The following GRID1 variants were observed in gnomAD, a reference collection of about 807,000 sequenced individuals.
GRID1 encodes the protein glutamate receptor ionotropic, delta-1.
GRID1 carries 28 observed loss-of-function variants against 98.0 expected under a neutral mutation model. The ratio of observed to expected loss-of-function variants is 0.29; its 90% CI spans 0.21 to 0.39. GRID1 has a LOEUF of 0.39. GRID1 is among the 10% of genes least tolerant of loss of function. The probability of loss-of-function intolerance (pLI) is 1.00; values close to 1 mark genes in which losing one functional copy is unlikely to be tolerated. For missense variants in GRID1, 1,111 were observed against 1,340.5 expected (o/e 0.83, Z 2.67); for synonymous variants, 553 against 538.5 (o/e 1.03, Z -0.37).
At chr10:85,626,101 T>C (rs1842909645) in intron 13 of GRID1, among the ~76,000 whole-genome samples, 1 of 152,242 alleles carries the variant, frequency 6.6e-6, no homozygotes, top group South Asian at 2.1e-4. Flanking sequence ...CAGGTGCCTG[T>C]AGTGCCAGGT....
chr10:85,857,880 T>C (rs1333686244), intron 6 of GRID1, among the ~76,000 whole-genome samples: 2 of 152,190 alleles, frequency 1.3e-5, no homozygotes, highest in Admixed American at 1.3e-4. Flanking sequence ...GTTCTCTGCC[T>C]GCAATTTACT....
intron 4 of GRID1, among the ~76,000 whole-genome samples, chr10:86,053,829 T>C (rs1843536955): frequency 6.6e-6 from 1 of 152,212 alleles, no homozygotes; most frequent in Admixed American, 6.5e-5. Flanking sequence ...CACTTACACA[T>C]GCATGGGCAC....
intron 4 of GRID1, among the ~76,000 whole-genome samples, chr10:86,063,674 T>C (rs1388253075): frequency 6.6e-6 from 1 of 152,228 alleles, no homozygotes; most frequent in East Asian, 1.9e-4. Context: ...TATATTGATA[T>C]GGAAGACTTC....
At chr10:85,905,660 T>A (rs1421197098) in intron 5 of GRID1, among the ~76,000 whole-genome samples, 1 of 152,108 alleles carries the variant, frequency 6.6e-6, no homozygotes, top group African/African-American at 2.4e-5. Flanking sequence ...TATACTGAAA[T>A]ATATGTGGTG....
intron 4 of GRID1, among the ~76,000 whole-genome samples, chr10:86,061,384 G>T (rs1359358453): frequency 6.6e-6 from 1 of 152,082 alleles, no homozygotes; most frequent in East Asian, 1.9e-4. Flanking sequence ...ATCCAGAGAG[G>T]ATCCTGTCTG....
intron 5 of GRID1, among the ~76,000 whole-genome samples, chr10:85,882,328 G>T (rs1841043590): frequency 6.6e-6 from 1 of 152,146 alleles, no homozygotes; most frequent in Non-Finnish European, 1.5e-5. Flanking sequence ...GCACACGTAT[G>T]TTTATTTTGG....
intron 4 of GRID1, among the ~76,000 whole-genome samples, chr10:86,003,679 T>A (rs1842826801): frequency 6.6e-6 from 1 of 152,176 alleles, no homozygotes; most frequent in Non-Finnish European, 1.5e-5. Context: ...TCCATAAGGG[T>A]TTAGAAGCCA....
chr10:85,976,475 C>T (rs1193515124), intron 4 of GRID1, among the ~76,000 whole-genome samples: 2 of 152,240 alleles, frequency 1.3e-5, no homozygotes, highest in African/African-American at 4.8e-5. Flanking sequence ...GATGGCACCT[C>T]CTTCAGGTGA....
intron 3 of GRID1, among the ~76,000 whole-genome samples, chr10:86,203,298 G>A (rs1845979021): frequency 6.6e-6 from 1 of 152,094 alleles, no homozygotes; most frequent in African/African-American, 2.4e-5. Flanking sequence ...TGTTCCAGAG[G>A]CACCGTTTGT....
chr10:86,061,644 C>T (rs1843650793), intron 4 of GRID1, among the ~76,000 whole-genome samples: 1 of 152,146 alleles, frequency 6.6e-6, no homozygotes, highest in Admixed American at 6.5e-5. Context: ...CCCCATCATG[C>T]AGGACTCACC....
intron 4 of GRID1, among the ~76,000 whole-genome samples, chr10:85,988,957 G>C (rs1431590507): frequency 6.6e-6 from 1 of 152,220 alleles, no homozygotes; most frequent in Admixed American, 6.5e-5. Flanking sequence ...GAAGCCCCAG[G>C]GTGAGTCAGG....
intron 4 of GRID1, among the ~76,000 whole-genome samples, chr10:86,102,629 G>A (rs1270999846): frequency 2.0e-5 from 3 of 152,250 alleles, no homozygotes; most frequent in Non-Finnish European, 4.4e-5. Context: ...CAACATAAAT[G>A]TGCCCAGTCC....
At chr10:85,706,250 C>T (rs958371461) in intron 12 of GRID1, among the ~76,000 whole-genome samples, 2 of 152,292 alleles carry the variant, frequency 1.3e-5, no homozygotes, top group Admixed American at 1.3e-4. Context: ...AGCTGATAAG[C>T]AACTTCAGCA....
chr10:86,201,509 C>T (rs1460010664), intron 3 of GRID1, among the ~76,000 whole-genome samples: 1 of 152,060 alleles, frequency 6.6e-6, no homozygotes, highest in Non-Finnish European at 1.5e-5. Flanking sequence ...AGGGCAACAA[C>T]ACACACTGGG....
At chr10:85,663,678 G>A (rs1840990339) in intron 12 of GRID1, among the ~76,000 whole-genome samples, 1 of 152,184 alleles carries the variant, frequency 6.6e-6, no homozygotes, top group African/African-American at 2.4e-5. Flanking sequence ...CATGAAGGTG[G>A]AGACCATGCT....
In GRID1 at chr10:85,602,286, C is replaced by T. The variant is rs1842589777; in HGVS notation, c.3017G>A (p.Gly1006Glu). 6.6e-7 allele frequency: 1 copy of T among 1,515,614 alleles called. No homozygotes were observed. The highest frequency in any genetic ancestry group is 8.8e-7 in the Non-Finnish European group (1 of 1,132,484). 93.9% of individuals were successfully genotyped at this position (1,515,614 alleles called of 1,614,324 possible). Residue 1006 changes from glycine to glutamate, a missense_variant, in exon 16 of 16, where the codon GGG becomes GAG. This residue lies in a region of GRID1 where 762 missense variants were observed against 869.1 expected (regional missense o/e 0.88). Coordinates refer to ENST00000327946, the MANE Select transcript of GRID1 (RefSeq NM_017551.3). ...CAGGCGGCGCAGTCAGATGGAGGTC[C>T]CGTGGGAGGTGTCCAGAGCCTCTGG... ...VLPEALDTSHGTSI is the reference protein window; with the variant it reads ...VLPEALDTSHETSI
intron 4 of GRID1, among the ~76,000 whole-genome samples, chr10:85,984,206 T>A (rs1016438986): frequency 2.0e-5 from 3 of 152,102 alleles, no homozygotes; most frequent in African/African-American, 7.2e-5. Context: ...ACAAGGCTCC[T>A]AATAGGTGTC....
At chr10:86,023,809 A>T (rs1328668752) in intron 4 of GRID1, among the ~76,000 whole-genome samples, 1 of 152,074 alleles carries the variant, frequency 6.6e-6, no homozygotes, top group African/African-American at 2.4e-5. Context: ...GTTCAATTGC[A>T]TCTATTCCCT....
At chr10:85,940,121 A>G (rs1002082504) in intron 4 of GRID1, among the ~76,000 whole-genome samples, 2 of 150,804 alleles carry the variant, frequency 1.3e-5, no homozygotes, top group African/African-American at 4.9e-5. Context: ...GGCAGGGGGC[A>G]TTGTTCTGCC....
Sources: allele counts gnomAD v4.1 joint callset (sites outside exome capture counted in the v4.1 genomes callset), GRCh38; gene constraint gnomAD v4.1.1; regional missense constraint gnomAD v4.1.1; transcripts MANE v1.5; gene names NCBI Gene and HGNC (gene_info 2026-07-23, HGNC 2026-07-21).